BLK: variants seen among roughly 807,000 people sequenced by gnomAD.
The protein encoded by BLK is tyrosine-protein kinase Blk.
BLK carries 64 observed loss-of-function variants against 61.8 expected under a neutral mutation model. The ratio of observed to expected loss-of-function variants is 1.03; its 90% CI spans 0.85 to 1.27. The LOEUF is 1.27. Among genes scored for constraint, BLK ranks in the 50% most tolerant of loss-of-function variants. The pLI, the probability that BLK is intolerant of heterozygous loss-of-function variation, is 0.00. For missense variants in BLK, 853 were observed against 660.5 expected (o/e 1.29, Z -3.19); for synonymous variants, 351 against 272.0 (o/e 1.29, Z -2.86).
intron 1 of BLK, among the ~76,000 whole-genome samples, chr8:11,517,140 G>A (rs1045536070): frequency 6.6e-6 from 1 of 152,158 alleles, no homozygotes; most frequent in African/African-American, 2.4e-5. Flanking sequence ...ACAGGGAAGA[G>A]GAGAGCAGGG....
At chr8:11,517,873 G>A (rs1052736858) in intron 1 of BLK, among the ~76,000 whole-genome samples, 6 of 152,204 alleles carry the variant, frequency 3.9e-5, no homozygotes, top group Non-Finnish European at 8.8e-5. Flanking sequence ...TTTCAGAGCT[G>A]AAATTGACTT....
At chr8:11,517,714 G>A (rs749737039) in intron 1 of BLK, among the ~76,000 whole-genome samples, 11 of 152,278 alleles carry the variant, frequency 7.2e-5, no homozygotes, top group East Asian at 3.9e-4. Flanking sequence ...ACCCTCTTGC[G>A]TTCCCAGCCA....
intron 1 of BLK, among the ~76,000 whole-genome samples, chr8:11,521,057 G>A (rs1333138645): frequency 4.6e-5 from 7 of 152,070 alleles, no homozygotes. Flanking sequence ...TCATTAAACT[G>A]GAGTAATTAA....
chr8:11,548,507 A>C (rs897559849), intron 4 of BLK, among the ~76,000 whole-genome samples: 3 of 152,086 alleles, frequency 2.0e-5, no homozygotes, highest in Admixed American at 2.0e-4. Flanking sequence ...AGGAGCCCAC[A>C]CTGATGACAC....
chr8:11,563,717 A>T (rs1193398308), intron 12 of BLK, among the ~76,000 whole-genome samples, 186 bp from the exon 13 acceptor site: 1 of 152,242 alleles, frequency 6.6e-6, no homozygotes, highest in East Asian at 1.9e-4. Flanking sequence ...CCAGGCAATA[A>T]AAAGTAAATA....
rs752307315 is a variant in BLK at position 11,543,219 on chromosome 8, G to A, written c.-1-5G>A. 24 of 1,613,700 alleles carry A rather than the reference G, an allele frequency of 1.5e-5. No homozygotes were observed. Among genetic ancestry groups the A allele is most frequent in the Admixed American group, 8.3e-5 (5 of 60,020 alleles). Reference sequence around the variant, plus strand: ...TGTCCTCTGTCTGCTGTGTGTCTCCGACAGGATGGGGCTGGTAAGTAGCAA... The same window carrying A: ...TGTCCTCTGTCTGCTGTGTGTCTCCAACAGGATGGGGCTGGTAAGTAGCAA... On this transcript the variant is annotated splice_polypyrimidine_tract_variant and splice_region_variant and intron_variant, in intron 1 of 12. Coordinates refer to ENST00000259089, the MANE Select transcript of BLK (RefSeq NM_001715.3).
intron 1 of BLK, among the ~76,000 whole-genome samples, chr8:11,502,163 T>C (rs1798587688): frequency 6.6e-6 from 1 of 152,246 alleles, no homozygotes; most frequent in African/African-American, 2.4e-5. Flanking sequence ...ATTATTAAGA[T>C]GCAGTAAAAA....
intron 1 of BLK, among the ~76,000 whole-genome samples, chr8:11,528,501 C>G (rs1379959001): frequency 1.3e-5 from 2 of 152,144 alleles, no homozygotes; most frequent in African/African-American, 4.8e-5. Flanking sequence ...TTCAATCCCC[C>G]TCACACACAC....
intron 1 of BLK, among the ~76,000 whole-genome samples, chr8:11,533,229 T>C (rs917674058): frequency 6.6e-5 from 10 of 152,242 alleles, no homozygotes; most frequent in Non-Finnish European, 1.5e-4. Flanking sequence ...GTTAAAGGCC[T>C]GAGACCTTTT....
At chr8:11,563,654 A>G (rs1404406586) in intron 12 of BLK, among the ~76,000 whole-genome samples, 1 of 152,242 alleles carries the variant, frequency 6.6e-6, no homozygotes, top group East Asian at 1.9e-4. Flanking sequence ...CCATCTTCAG[A>G]GGACCTGCCC....
chr8:11,516,379 G>A (rs1486909089), intron 1 of BLK, among the ~76,000 whole-genome samples: 1 of 152,168 alleles, frequency 6.6e-6, no homozygotes, highest in Non-Finnish European at 1.5e-5. Context: ...TGGTGGGTGG[G>A]TCTCACGACC....
intron 2 of BLK, among the ~76,000 whole-genome samples, chr8:11,544,364 C>G (rs776171983): frequency 1.4e-4 from 22 of 152,198 alleles, no homozygotes; most frequent in Non-Finnish European, 7.3e-5. Context: ...GCGACCCCCT[C>G]TCCTGTGCTG....
intron 1 of BLK, among the ~76,000 whole-genome samples, chr8:11,535,368 A>G (rs867666761): frequency 2.0e-5 from 3 of 152,136 alleles, no homozygotes; most frequent in Non-Finnish European, 2.9e-5. Context: ...AGGAAGGGAT[A>G]TATTGCACAA....
chr8:11,531,949 C>G (rs996146575), intron 1 of BLK, among the ~76,000 whole-genome samples: 1 of 152,202 alleles, frequency 6.6e-6, no homozygotes, highest in East Asian at 1.9e-4. Flanking sequence ...ACCACAGCCT[C>G]TCGAGTTCAA....
intron 1 of BLK, among the ~76,000 whole-genome samples, chr8:11,525,085 A>G (rs899297932): frequency 6.6e-6 from 1 of 152,182 alleles, no homozygotes; most frequent in Non-Finnish European, 1.5e-5. Flanking sequence ...TGTGATTCCT[A>G]AAAGGCTCAG....
chr8:11,541,926 G>A (rs952143804), intron 1 of BLK, among the ~76,000 whole-genome samples: 1 of 152,166 alleles, frequency 6.6e-6, no homozygotes, highest in Non-Finnish European at 1.5e-5. Flanking sequence ...GAAATACTTA[G>A]ATATAAAAAG....
intron 1 of BLK, among the ~76,000 whole-genome samples, chr8:11,499,558 G>A (rs1798481054): frequency 6.6e-6 from 1 of 152,260 alleles, no homozygotes; most frequent in East Asian, 1.9e-4. Flanking sequence ...GGCTGCATAA[G>A]AAACAGAGGT....
At position 11,563,002 on chromosome 8, in the gene BLK, A is replaced by AT. The variant is rs1201140785; in HGVS notation, c.1204_1205insT (p.Thr402IlefsTer?). ...AGGGGCCAAGTTCCCCATCAAGTGG[A>AT]CAGCCCCGGAAGCCATCCACTTCGG... is the stretch of plus-strand genomic sequence containing the variant. On this transcript the variant is annotated frameshift_variant, in exon 12 of 13. Transcript: ENST00000259089. LOFTEE classifies it high-confidence loss of function. 3 of 1,614,032 alleles carry AT rather than the reference A, an allele frequency of 1.9e-6. No homozygotes were observed. The African/African-American group carries it at 4.0e-5, about 22-fold the overall frequency.
intron 1 of BLK, among the ~76,000 whole-genome samples, chr8:11,523,630 T>C (rs1363034205): frequency 6.6e-6 from 1 of 152,208 alleles, no homozygotes; most frequent in Admixed American, 6.5e-5. Flanking sequence ...GACATTAATG[T>C]AAAAATTACA....
Sources: allele counts gnomAD v4.1 joint callset (sites outside exome capture counted in the v4.1 genomes callset), GRCh38; gene constraint gnomAD v4.1.1; transcripts MANE v1.5; gene names NCBI Gene and HGNC (gene_info 2026-07-23, HGNC 2026-07-21).